SNRPN: variants seen among roughly 807,000 people sequenced by gnomAD.
SNRPN encodes the protein small nuclear ribonucleoprotein-associated protein N.
SNRPN carries 7 observed loss-of-function variants against 25.2 expected under a neutral mutation model. The ratio of observed to expected loss-of-function variants is 0.28; its 90% CI spans 0.16 to 0.52. The LOEUF is 0.52. Among genes scored for constraint, SNRPN ranks in the 20% least tolerant of loss-of-function variants. The pLI is 0.96. For missense variants in SNRPN, 196 were observed against 322.5 expected, an observed-to-expected ratio of 0.61 and a Z score of 3.00; for synonymous variants, 124 against 110.6, an observed-to-expected ratio of 1.12 and a Z score of -0.76.
chr15:24,903,572 C>T (rs1227886793), intron 2 of SNRPN, among the ~76,000 whole-genome samples: 1 of 152,196 alleles, frequency 6.6e-6, no homozygotes, highest in African/African-American at 2.4e-5. Flanking sequence ...AGGTTCCATT[C>T]ATGCTTTCCA....
intron 2 of SNRPN, among the ~76,000 whole-genome samples, chr15:24,893,586 C>T (rs1006087366): frequency 7.2e-5 from 11 of 152,028 alleles, no homozygotes; most frequent in Non-Finnish European, 1.5e-4. Context: ...CCACTACACT[C>T]CAGCCTGGGT....
intron 1 of SNRPN, among the ~76,000 whole-genome samples, chr15:24,885,750 G>GTGTGTGTGTGTA (rs1215793099): frequency 6.6e-6 from 1 of 151,052 alleles, no homozygotes; most frequent in Non-Finnish European, 1.5e-5. Context: ...GTGTGTGTGT[G>GTGTGTGTGTGTA]TGTATGTCTG....
Position 24,929,757 on chromosome 15 carries a change from A to G in SNRPN, c.-391+9633A>G, listed in dbSNP as rs533685931. ...GGTAGACAGCATGAGAGCAGGGTCCATGTGATGATTTTTCTGTCAGTATCA... is the reference window on the plus strand; with the variant it reads ...GGTAGACAGCATGAGAGCAGGGTCCGTGTGATGATTTTTCTGTCAGTATCA... On this transcript the variant is annotated intron_variant, in intron 3 of 11. Transcript: ENST00000400097. This position sits in a 1 kb window ranked among gnomAD's most constrained non-coding sequence, Gnocchi z 5.3. Among the ~76,000 whole-genome samples, 262 of 152,334 alleles carry G rather than the reference A, an allele frequency of 1.7e-3. 1 individual carries two copies. Among genetic ancestry groups the G allele is most frequent in the African/African-American group, 6.0e-3 (250 of 41,576 alleles).
chr15:24,836,119 C>T (rs2051161576), intron 2 of SNRPN, among the ~76,000 whole-genome samples: 1 of 152,068 alleles, frequency 6.6e-6, no homozygotes. Flanking sequence ...GGCAGATGGC[C>T]ACCTTCTCTC....
In SNRPN at chr15:24,864,828, T is replaced by C. The variant is rs540985944; in HGVS notation, c.-579+8112T>C. ...TTAAAAGTGTGTTAGTTAATCTCCA[T>C]GTATTTTGAAGTTTACCAGTTATGT... On this transcript the variant is annotated intron_variant, in intron 1 of 11. Coordinates refer to the SNRPN transcript ENST00000400097. 3.9e-4 allele frequency among the ~76,000 whole-genome samples: 59 copies of C among 152,298 alleles called. 2 individuals are homozygous for C. In the South Asian group the frequency reaches 6.4e-3, roughly 17 times the overall value.
chr15:24,903,623 A>G (rs1221528804), intron 2 of SNRPN, among the ~76,000 whole-genome samples: 4 of 152,184 alleles, frequency 2.6e-5, no homozygotes, highest in Non-Finnish European at 4.4e-5. Context: ...GGATTGTGGA[A>G]CCATCCGGTA....
intron 3 of SNRPN, among the ~76,000 whole-genome samples, chr15:24,928,847 A>T (rs552292537): frequency 1.3e-5 from 2 of 152,012 alleles, no homozygotes; most frequent in Non-Finnish European, 2.9e-5. Context: ...GCCTAAAACA[A>T]TCTTCCTGCC....
At chr15:24,877,858 G>A (rs1410166482) in intron 1 of SNRPN, among the ~76,000 whole-genome samples, 3 of 152,194 alleles carry the variant, frequency 2.0e-5, no homozygotes, top group African/African-American at 7.2e-5. Context: ...GAAAAAAAAT[G>A]CAATCTAATA....
chr15:24,960,395 C>T (rs1020275568), intron 1 of SNRPN, among the ~76,000 whole-genome samples: 2 of 152,002 alleles, frequency 1.3e-5, no homozygotes, highest in African/African-American at 2.4e-5. Flanking sequence ...GCTGGTGTGC[C>T]AGTGGCATGA....
upstream of SNRPN, among the ~76,000 whole-genome samples, chr15:24,854,496 A>G (rs1397187873): frequency 6.6e-6 from 1 of 152,210 alleles, no homozygotes; most frequent in African/African-American, 2.4e-5. Flanking sequence ...TTGATTGCTC[A>G]TATTTCTTAG....
chr15:24,908,076 A>AG (rs2058962884), intron 2 of SNRPN, among the ~76,000 whole-genome samples: 1 of 131,344 alleles, frequency 7.6e-6, no homozygotes, highest in Non-Finnish European at 1.6e-5. Flanking sequence ...AAAAAAAAAA[A>AG]AAGAATAAGA....
intron 2 of SNRPN, among the ~76,000 whole-genome samples, chr15:24,891,337 A>G (rs1186808067): frequency 6.6e-6 from 1 of 152,190 alleles, no homozygotes; most frequent in Non-Finnish European, 1.5e-5. Context: ...AGTTTTAGGA[A>G]TACTTAGTTA....
At chr15:24,888,416 G>T (rs2030063) in intron 2 of SNRPN, among the ~76,000 whole-genome samples, 118,750 of 152,054 alleles carry the variant, frequency 0.78, 46,402 homozygotes, top group East Asian at 0.9. Flanking sequence ...AGGAATGACT[G>T]TCAACTATAT....
chr15:24,971,164 C>T (rs1428739262), intron 3 of SNRPN, among the ~76,000 whole-genome samples: 2 of 152,086 alleles, frequency 1.3e-5, no homozygotes, highest in African/African-American at 2.4e-5. Context: ...CTACAGTTTC[C>T]TAAAGTTTGA....
At chr15:24,841,941 T>C (rs760659269) in intron 2 of SNRPN, among the ~76,000 whole-genome samples, 1 of 152,168 alleles carries the variant, frequency 6.6e-6, no homozygotes, top group Non-Finnish European at 1.5e-5. Flanking sequence ...CCTTGAACTA[T>C]GATCTGCTGT....
intron 2 of SNRPN, among the ~76,000 whole-genome samples, chr15:24,962,527 A>G (rs2074993979): frequency 3.9e-5 from 6 of 152,228 alleles, no homozygotes; most frequent in Admixed American, 3.9e-4. Flanking sequence ...GTATGCTTGC[A>G]AAATGTACTG....
At chr15:24,862,656 A>G (rs188669937) in intron 1 of SNRPN, among the ~76,000 whole-genome samples, 1 of 151,150 alleles carries the variant, frequency 6.6e-6, no homozygotes, top group Admixed American at 6.6e-5. Flanking sequence ...ACGAGTGAGG[A>G]TTCAGAAAAC....
intron 2 of SNRPN, among the ~76,000 whole-genome samples, chr15:24,834,751 C>CTCTCTCTCTCTCTCTATATATATATATA: frequency 4.9e-5 from 3 of 60,952 alleles, no homozygotes; most frequent in Non-Finnish European, 9.9e-5. Flanking sequence ...CTCTCTCTCT[C>CTCTCTCTCTCTCTCTATATATATATATA]TATATATATA....
At chr15:24,857,335 G>A (rs1311668454) in intron 1 of SNRPN, among the ~76,000 whole-genome samples, 1 of 151,928 alleles carries the variant, frequency 6.6e-6, no homozygotes, top group Admixed American at 6.6e-5. Context: ...TGTAATTGTC[G>A]GCATGATGTT....
Sources: allele counts gnomAD v4.1 joint callset (sites outside exome capture counted in the v4.1 genomes callset), GRCh38; gene constraint gnomAD v4.1.1; non-coding constraint Gnocchi (gnomAD v3.1); transcripts MANE v1.5; gene names NCBI Gene and HGNC (gene_info 2026-07-23, HGNC 2026-07-21).